The following ZNF605 variants were observed in gnomAD, a reference collection of about 807,000 sequenced individuals.
ZNF605 encodes the protein zinc finger protein 605.
In ZNF605, 9 loss-of-function variants were observed where a neutral mutation model predicts 7.9. The ratio of observed to expected loss-of-function variants is 1.14; its 90% CI spans 0.68 to 1.98. The LOEUF is 1.98. ZNF605 is among the 30% of genes most tolerant of loss of function. ZNF605 has a pLI of 0.00. For synonymous variants in ZNF605, 255 were observed against 260.1 expected (o/e 0.98, Z 0.19); for missense variants, 673 against 762.4 (o/e 0.88, Z 1.38).
intron 1 of ZNF605, among the ~76,000 whole-genome samples, chr12:132,949,592 C>T (rs73158720): frequency 0.028 from 4,255 of 152,294 alleles, 87 homozygotes; most frequent in Non-Finnish European, 0.045. Flanking sequence ...GAGCAGGAGG[C>T]GGAGACCAGT....
In ZNF605 at chr12:132,926,401, GAT is replaced by G; in HGVS notation, c.896_897del (p.His299ProfsTer13). The G allele has an allele frequency of 6.2e-7, 1 of 1,614,156 alleles. No homozygotes were observed. The highest frequency in any genetic ancestry group is 8.5e-7 in the Non-Finnish European group (1 of 1,180,028). On this transcript the variant is annotated frameshift_variant, in exon 5 of 5. Transcript: ENST00000360187. LOFTEE classifies it low-confidence loss of function (END_TRUNC). ...AFSQKLKLITHQRAHTGEKPY... is the reference protein window; with the variant it reads ...AFSQKLKLITXQRAHTGEKPY... ...GGTTTCTCTCCTGTGTGCGCTCTCT[GAT>G]GTGTGATGAGTTTTAATTTCTGGGA...
intron 3 of ZNF605, among the ~76,000 whole-genome samples, chr12:132,944,578 T>A (rs1263002670): frequency 6.6e-6 from 1 of 152,194 alleles, no homozygotes; most frequent in Non-Finnish European, 1.5e-5. Context: ...TTCTGCCAGG[T>A]GATTTAAGTT....
At chr12:132,939,133 A>G (rs1412012674) in intron 3 of ZNF605, among the ~76,000 whole-genome samples, 4 of 152,154 alleles carry the variant, frequency 2.6e-5, no homozygotes, top group East Asian at 3.9e-4. Flanking sequence ...GGGCTGAGGA[A>G]TGCGAGCGCA....
chr12:132,954,544 G>A (rs768759841), intron 1 of ZNF605, among the ~76,000 whole-genome samples: 1 of 149,754 alleles, frequency 6.7e-6, no homozygotes, highest in Admixed American at 6.7e-5. Context: ...CAAGTCAGGC[G>A]CTCACAGAGC....
intron 1 of ZNF605, chr12:132,948,553 G>C (rs1952519881): frequency 6.6e-6 from 1 of 152,256 alleles, no homozygotes; most frequent in Admixed American, 6.5e-5. Flanking sequence ...CACCTTTCCA[G>C]AAAGTGAGGT....
intron 3 of ZNF605, among the ~76,000 whole-genome samples, chr12:132,943,880 G>A (rs1218377177): frequency 6.6e-6 from 1 of 152,112 alleles, no homozygotes; most frequent in Non-Finnish European, 1.5e-5. Flanking sequence ...CAGCATTGCC[G>A]GGAGGTGAGG....
chr12:132,943,235 T>G (rs898697223), intron 3 of ZNF605, among the ~76,000 whole-genome samples: 1 of 151,864 alleles, frequency 6.6e-6, no homozygotes, highest in Non-Finnish European at 1.5e-5. Context: ...TGGTACCGCC[T>G]GTAGTCCCAG....
At chr12:132,939,315 C>A (rs1030755418) in intron 3 of ZNF605, among the ~76,000 whole-genome samples, 1 of 152,122 alleles carries the variant, frequency 6.6e-6, no homozygotes, top group Non-Finnish European at 1.5e-5. Context: ...GTGAGTGCAC[C>A]AATCAACACT....
intron 3 of ZNF605, among the ~76,000 whole-genome samples, chr12:132,943,598 A>C (rs772813393): frequency 2.2e-4 from 33 of 152,128 alleles, no homozygotes; most frequent in Non-Finnish European, 4.9e-4. Flanking sequence ...GTGCTAATGC[A>C]AGACCTCCTC....
chr12:132,926,735 C>G lies in ZNF605; in HGVS notation c.564G>C (p.Gln188His). The change falls in exon 5 of 5, where the codon CAG becomes CAC. Residue 188 changes from glutamine (Q) to histidine (H), a missense_variant. Coordinates refer to ENST00000360187, the MANE Select transcript of ZNF605 (RefSeq NM_183238.4). ...AGGGCTTCTCTCCTGTATGAGTTCT[C>G]TGGTGTATAACAAGTTGTGACTTCT... Reference protein sequence around the residue: ...FNKKSQLVIHQRTHTGEKPYQ... With the variant: ...FNKKSQLVIHHRTHTGEKPYQ... 4.3e-6 allele frequency: 7 copies of G among 1,614,106 alleles called. No individual in the cohort carries two copies. Among genetic ancestry groups the G allele is most frequent in the Non-Finnish European group, 5.9e-6 (7 of 1,179,952 alleles).
rs867203801 is a variant in ZNF605, at chr12:132,934,265, A to G, written c.16-1110T>C. ...CTGCATGCAGCCTGGGCAACAGAGC[A>G]AGACTCTGTCTCAAATAAATAAATA... On this transcript the variant is annotated intron_variant, in intron 3 of 4. Coordinates refer to ENST00000360187, the MANE Select transcript of ZNF605 (RefSeq NM_183238.4). Among the ~76,000 whole-genome samples the G allele has an allele frequency of 7.9e-5, 12 of 151,768 alleles. No individual in the cohort carries two copies. The South Asian group carries it at 2.3e-3, about 29-fold the overall frequency.
At chr12:132,943,091 G>A (rs1003296664) in intron 3 of ZNF605, among the ~76,000 whole-genome samples, 4 of 152,064 alleles carry the variant, frequency 2.6e-5, no homozygotes, top group African/African-American at 7.2e-5. Context: ...GGCCGGGCAC[G>A]GTGGCTCACG....
At chr12:132,950,387 G>A (rs931247733) in intron 1 of ZNF605, among the ~76,000 whole-genome samples, 3 of 151,682 alleles carry the variant, frequency 2.0e-5, no homozygotes, top group Non-Finnish European at 2.9e-5. Context: ...TCAGACATGC[G>A]CACACACTCA....
In ZNF605 at chr12:132,941,474, G is replaced by T. The variant is rs1240737919; in HGVS notation, c.15+4147C>A. On this transcript the variant is annotated intron_variant, in intron 3 of 4. Transcript: ENST00000360187. The surrounding 1 kb of genome is among the most constrained non-coding windows in gnomAD (Gnocchi z 5.1). ...ACACTATCCAGGCCCGACATGACCA[G>T]ATCTGCTTCCCGTTCAGGTTTCCTG... Among the ~76,000 whole-genome samples, 4 of 152,184 alleles carry T rather than the reference G, an allele frequency of 2.6e-5. No individual in the cohort carries two copies. Among genetic ancestry groups the T allele is most frequent in the Non-Finnish European group, 4.4e-5 (3 of 68,032 alleles).
intron 2 of ZNF605, among the ~76,000 whole-genome samples, chr12:132,946,353 A>G (rs1251362160): frequency 1.3e-5 from 2 of 152,202 alleles, no homozygotes; most frequent in South Asian, 2.1e-4. Flanking sequence ...AAAAAAAGAA[A>G]AACAGACACC....
chr12:132,939,090 G>A (rs1566234470), intron 3 of ZNF605, among the ~76,000 whole-genome samples: 1 of 151,922 alleles, frequency 6.6e-6, no homozygotes, highest in African/African-American at 2.4e-5. Flanking sequence ...ACCACCCCCT[G>A]CTCCACGGCG....
Position 132,923,079 on chromosome 12 carries a change from T to C in ZNF605, c.*2294A>G, listed in dbSNP as rs1303321478. ...CAAGCTACCCCGAGCCCTGAAGGAA[T>C]AGGCTTCTAACTCAGATGATGCAGT... On this transcript the variant is annotated 3_prime_UTR_variant, in exon 5 of 5. Transcript: ENST00000360187. 6.6e-6 allele frequency: 1 copy of C among 152,222 alleles called. No homozygotes were observed. The highest frequency in any genetic ancestry group is 1.5e-5 in the Non-Finnish European group (1 of 68,048). The allele number at this position is 152,222 out of a possible 1,614,324, so 9.4% of individuals were successfully genotyped here. A position where few individuals can be genotyped will look rare whatever the true frequency, so the allele number is the denominator to read the frequency against.
At chr12:132,948,558 T>C (rs1593601717) in intron 1 of ZNF605, 1 of 152,162 alleles carries the variant, frequency 6.6e-6, no homozygotes, top group African/African-American at 2.4e-5. Flanking sequence ...TTCCAGAAAG[T>C]GAGGTAAACT....
intron 3 of ZNF605, among the ~76,000 whole-genome samples, chr12:132,940,578 C>G (rs1952426116): frequency 6.6e-6 from 1 of 152,062 alleles, no homozygotes; most frequent in Non-Finnish European, 1.5e-5. Context: ...GCCCCAGTCC[C>G]TGATGGGAAC....
Sources: gnomAD v4.1 joint callset for allele counts (sites outside exome capture counted in the v4.1 genomes callset) on GRCh38, gnomAD v4.1.1 for gene constraint, Gnocchi (gnomAD v3.1) non-coding constraint, MANE v1.5 for transcripts, NCBI Gene and HGNC (gene_info 2026-07-23, HGNC 2026-07-21) for gene names.